Variants in MYO18B observed in about 807,000 individuals in gnomAD.
MYO18B encodes myosin XVIIIB.
In MYO18B, 204 loss-of-function variants were observed where a neutral mutation model predicts 273.0. The ratio of observed to expected loss-of-function variants is 0.75; its 90% confidence interval spans 0.67 to 0.84. The LOEUF (loss-of-function observed/expected upper bound fraction) is 0.84, where lower values mean the gene tolerates loss of function less well. Among genes scored for constraint, MYO18B ranks in the 40% least tolerant of loss-of-function variants. The pLI, the probability that MYO18B is intolerant of heterozygous loss-of-function variation, is 0.00. For missense variants in MYO18B, 3,212 were observed against 3,287.6 expected (o/e 0.98, Z 0.56); for synonymous variants, 1,330 against 1,305.7 (o/e 1.02, Z -0.40).
At chr22:25,885,396 C>T (rs2146246305) in intron 25 of MYO18B, among the ~76,000 whole-genome samples, 1 of 152,200 alleles carries the variant, frequency 6.6e-6, no homozygotes, top group South Asian at 2.1e-4. Context: ...GAAATGGGGT[C>T]AGGGAGGGCT....
In MYO18B at chr22:25,955,382, C is replaced by G. The variant is rs757745936; in HGVS notation, c.6156+18C>G. On this transcript the variant is annotated intron_variant, in intron 39 of 43. Transcript: ENST00000335473. ...TGGAGCTGGTGAGTCCTGTCCCCATCATGGGCTCTTAGCGACTGAGGGTTT... is the reference window on the plus strand; with the variant it reads ...TGGAGCTGGTGAGTCCTGTCCCCATGATGGGCTCTTAGCGACTGAGGGTTT... 1.7e-5 allele frequency: 27 copies of G among 1,597,100 alleles called. 1 individual carries two copies. In the South Asian group the frequency reaches 2.7e-4, roughly 16 times the overall value.
chr22:25,826,494 C>T lies in MYO18B; in HGVS notation c.2781C>T (p.Ile927=), dbSNP rs148562052. The T allele has an allele frequency of 1.9e-6, 3 of 1,613,290 alleles. No homozygotes were observed. The African/African-American group carries it at 4.0e-5, about 22-fold the overall frequency. The change falls in exon 14 of 44, where the codon ATC becomes ATT. Residue 927 remains isoleucine (I), a synonymous_variant. Transcript: ENST00000335473. The part of the protein sequence containing the change: ...QELFAAVVSL[I]NRSFSSHHLS... ...TCTTTGCGGCTGTGGTCTCACTCAT[C>T]AACAGGTAACGGGGCCTTTTCCTAG... is the stretch of plus-strand genomic sequence containing the variant.
chr22:25,854,402 G>T (rs560888386), intron 21 of MYO18B, among the ~76,000 whole-genome samples: 2 of 152,032 alleles, frequency 1.3e-5, no homozygotes, highest in Non-Finnish European at 2.9e-5. Context: ...ATTTCACAGC[G>T]TAGGCAGCTG....
chr22:25,836,560 G>A (rs695550), intron 17 of MYO18B, among the ~76,000 whole-genome samples: 131,099 of 152,162 alleles, frequency 0.86, 56,702 homozygotes, highest in East Asian at 1. Context: ...AGTTCCAGAA[G>A]TCCTTGTGCA....
chr22:26,044,397 C>T, the MYO18B span, among the ~76,000 whole-genome samples: 4 of 152,170 alleles, frequency 2.6e-5, no homozygotes, highest in East Asian at 7.7e-4. Context: ...GAAATCTTTG[C>T]CTTCTCAAAA....
At chr22:25,745,176 C>G (rs1249724264) in intron 1 of MYO18B, among the ~76,000 whole-genome samples, 1 of 152,156 alleles carries the variant, frequency 6.6e-6, no homozygotes, top group Non-Finnish European at 1.5e-5. Flanking sequence ...GTGGCCCAAT[C>G]TCGGCTCACT....
At chr22:25,766,611 A>G (rs2086515499) in intron 3 of MYO18B, among the ~76,000 whole-genome samples, 1 of 152,152 alleles carries the variant, frequency 6.6e-6, no homozygotes, top group African/African-American at 2.4e-5. Context: ...AGATGAGTAG[A>G]CCATGGACAA....
intron 39 of MYO18B, among the ~76,000 whole-genome samples, chr22:25,991,745 G>A (rs2093272491): frequency 6.6e-6 from 1 of 152,138 alleles, no homozygotes; most frequent in Non-Finnish European, 1.5e-5. Flanking sequence ...GGGCCTGTGA[G>A]GCATGAGTGA....
chr22:25,755,140 C>T (rs1429411935), intron 1 of MYO18B, among the ~76,000 whole-genome samples: 1 of 152,156 alleles, frequency 6.6e-6, no homozygotes, highest in Non-Finnish European at 1.5e-5. Flanking sequence ...TCCTTCTCTT[C>T]TTTCCCCCAT....
At chr22:26,010,747 A>G (rs1030950732) in intron 42 of MYO18B, among the ~76,000 whole-genome samples, 1 of 152,144 alleles carries the variant, frequency 6.6e-6, no homozygotes, top group African/African-American at 2.4e-5. Flanking sequence ...ACCAGGGAAA[A>G]CTAGGACTGG....
At chr22:25,917,545 G>GGTGTAT (rs2092279452) in intron 33 of MYO18B, among the ~76,000 whole-genome samples, 1 of 142,152 alleles carries the variant, frequency 7.0e-6, no homozygotes, top group Non-Finnish European at 1.5e-5. Flanking sequence ...GCTTTGTAGG[G>GGTGTAT]GTGTGTGTGT....
chr22:25,918,022 G>A (rs545796505), intron 33 of MYO18B, among the ~76,000 whole-genome samples: 6 of 152,302 alleles, frequency 3.9e-5, no homozygotes, highest in African/African-American at 1.4e-4. Flanking sequence ...AGTACCCTAG[G>A]CGGATTCTAA....
intron 41 of MYO18B, among the ~76,000 whole-genome samples, chr22:26,004,074 T>TA (rs1193877107): frequency 1.1e-4 from 17 of 151,320 alleles, no homozygotes; most frequent in Non-Finnish European, 2.2e-4. Context: ...AGCGTCCTAT[T>TA]AAAAAACTAT....
chr22:25,987,438 ATAT>A (rs2093214179), intron 39 of MYO18B, among the ~76,000 whole-genome samples: 1 of 152,128 alleles, frequency 6.6e-6, no homozygotes, highest in Non-Finnish European at 1.5e-5. Flanking sequence ...TACATTCTAC[ATAT>A]TATTGTACTG....
At chr22:25,888,822 T>A (rs2091576461) in intron 25 of MYO18B, among the ~76,000 whole-genome samples, 1 of 152,206 alleles carries the variant, frequency 6.6e-6, no homozygotes, top group Admixed American at 6.5e-5. Context: ...TATTGAAATG[T>A]GCATTTTGGT....
intron 4 of MYO18B, 103 bp downstream of exon 4, chr22:25,769,531 G>T: frequency 1.8e-6 from 2 of 1,095,284 alleles, no homozygotes; most frequent in Admixed American, 3.0e-5. Context: ...GGGTGGACGG[G>T]GGGTGGGCAG....
At position 25,947,768 on chromosome 22, in the gene MYO18B, C is replaced by T. The variant is rs372305504; in HGVS notation, c.5688C>T (p.Ile1896=). ...AGAAGGCGGACCTCCTGAAGCGCAT[C>T]GATGAGGACCAGGATGACCTGAATG... The part of the protein sequence containing the change: ...QFEKADLLKR[I]DEDQDDLNEL... The change falls in exon 36 of 44, where the codon ATC becomes ATT. Residue 1896 remains isoleucine, a synonymous_variant. Transcript: ENST00000335473. 1.8e-5 allele frequency: 29 copies of T among 1,613,724 alleles called. No individual in the cohort carries two copies. The highest frequency in any genetic ancestry group is 5.3e-5 in the African/African-American group (4 of 74,918).
chr22:26,059,711 G>A, the MYO18B span, among the ~76,000 whole-genome samples: 1 of 152,188 alleles, frequency 6.6e-6, no homozygotes, highest in Non-Finnish European at 1.5e-5. Context: ...TATAGAATTA[G>A]TCTCACAATT....
rs745867259 is a variant in MYO18B at position 25,770,923 on chromosome 22, T to A, written c.1631T>A (p.Val544Glu). 6.4e-7 allele frequency: 1 copy of A among 1,551,908 alleles called. No individual in the cohort carries two copies. The highest frequency in any genetic ancestry group is 2.4e-5 in the East Asian group (1 of 40,918). The change falls in exon 6 of 44, where the codon GTG becomes GAG. Residue 544 changes from valine (V) to glutamate (E), a missense_variant. Coordinates refer to ENST00000335473, the MANE Select transcript of MYO18B (RefSeq NM_032608.7). ...EGTADLPAGR[V>E]RLWIDADKTI... ...ACAGCAGACCTGCCAGCAGGAAGGG[T>A]GAGACTTTGGATTGATGCTGACAAA...
Sources: gnomAD v4.1 joint callset for allele counts (sites outside exome capture counted in the v4.1 genomes callset) on GRCh38, gnomAD v4.1.1 for gene constraint, MANE v1.5 for transcripts, NCBI Gene and HGNC (gene_info 2026-07-23, HGNC 2026-07-21) for gene names.